The following CRIP1 variants were observed in gnomAD, a reference collection of about 807,000 sequenced individuals.
CRIP1 encodes cysteine-rich protein 1.
Under a neutral mutation model 12.9 loss-of-function variants are expected in CRIP1, and 11 were observed. The ratio of observed to expected loss-of-function variants is 0.86; its 90% confidence interval spans 0.54 to 1.42. The LOEUF (loss-of-function observed/expected upper bound fraction) is 1.42. Among genes scored for constraint, CRIP1 ranks in the 40% most tolerant of loss-of-function variants. The pLI is 0.00. For missense variants in CRIP1, 122 were observed against 101.3 expected, an observed-to-expected ratio of 1.20 and a Z score of -0.88; for synonymous variants, 41 against 37.2, an observed-to-expected ratio of 1.10 and a Z score of -0.37.
chr14:105,488,202 G>C lies in CRIP1; in HGVS notation c.77G>C (p.Arg26Pro). 3 of 1,613,206 alleles carry C rather than the reference G, an allele frequency of 1.9e-6. No homozygotes were observed. The highest frequency in any genetic ancestry group is 1.7e-4 in the Middle Eastern group (1 of 6,004). The change falls in exon 3 of 6, where the codon CGG becomes CCG. Residue 26 changes from arginine to proline, a missense_variant. Physicochemically the swap from Arg to Pro is moderately radical, Grantham distance 103 (BLOSUM62 -2). Transcript: ENST00000392531. ...RVTSLGKDWH[R>P]PCLKCEKCGK... Reference sequence around the variant, plus strand: ...ACCTCTCTGGGCAAGGACTGGCATCGGCCCTGCCTGAAGTGCGAGAAATGT... The same window carrying C: ...ACCTCTCTGGGCAAGGACTGGCATCCGCCCTGCCTGAAGTGCGAGAAATGT...
intron 2 of CRIP1, 64 bp downstream of exon 2, chr14:105,487,363 G>A: frequency 4.2e-6 from 6 of 1,433,078 alleles, no homozygotes; most frequent in South Asian, 1.3e-5. Context: ...GCTGGGGACC[G>A]CTCAGGAGGA....
At position 105,486,961 on chromosome 14, in the gene CRIP1, T is replaced by A. The variant is rs1399754983; in HGVS notation, c.-73T>A. On this transcript the variant is annotated 5_prime_UTR_variant, in exon 1 of 6. Coordinates refer to ENST00000392531, the MANE Select transcript of CRIP1 (RefSeq NM_001311.5). The stretch of plus-strand genomic sequence containing the variant: ...CGCGGCTTGAACTCGCCTAAAGAGC[T>A]GCGCCCTCTCAGTAAGTCCCCATGG... 2 of 1,208,844 alleles carry A rather than the reference T, an allele frequency of 1.7e-6. No homozygotes were observed. The highest frequency in any genetic ancestry group is 7.9e-5 in the East Asian group (2 of 25,350). 74.9% of individuals were successfully genotyped at this position (1,208,844 alleles called of 1,614,324 possible). A position where few individuals can be genotyped will look rare whatever the true frequency, so the allele number is the denominator to read the frequency against.
intron 1 of CRIP1, 56 bp downstream of exon 1, chr14:105,487,028 C>A: frequency 2.2e-6 from 3 of 1,356,676 alleles, no homozygotes; most frequent in Non-Finnish European, 2.9e-6. Flanking sequence ...AGGCCCGGGT[C>A]CTGCCTGAAG....
In CRIP1 at chr14:105,487,234, C is replaced by T. The variant is rs1555438191; in HGVS notation, c.-26C>T. On this transcript the variant is annotated 5_prime_UTR_variant, in exon 2 of 6. Transcript: ENST00000392531. Reference sequence around the variant, plus strand: ...GCAGCCCGTGCCGCCCCAGCCGCTGCCGCCTGCACCGGACCCGGAGCCGTC... The same window carrying T: ...GCAGCCCGTGCCGCCCCAGCCGCTGTCGCCTGCACCGGACCCGGAGCCGTC... 2 of 1,542,418 alleles carry T rather than the reference C, an allele frequency of 1.3e-6. No individual in the cohort carries two copies. The highest frequency in any genetic ancestry group is 2.5e-5 in the East Asian group (1 of 40,202).
rs1000295542 is a variant in CRIP1, at chr14:105,488,052, C to T, written c.41-114C>T. ...GGTGGGCTGCCAGGCTGGGCGGATG[C>T]GGGCTAAGTGCACAGGGCCTTGGGC... On this transcript the variant is annotated intron_variant, in intron 2 of 5. Transcript: ENST00000392531. 2.7e-5 allele frequency: 30 copies of T among 1,099,664 alleles called. 1 individual carries two copies. The highest frequency in any genetic ancestry group is 3.4e-5 in the Non-Finnish European group (26 of 758,664). The allele number at this position is 1,099,664 out of a possible 1,614,324, so 68.1% of individuals were successfully genotyped here.
Position 105,487,236 on chromosome 14 carries a change from G to C in CRIP1, c.-24G>C, listed in dbSNP as rs1272379179. The stretch of plus-strand genomic sequence containing the variant: ...AGCCCGTGCCGCCCCAGCCGCTGCC[G>C]CCTGCACCGGACCCGGAGCCGTCAT... On this transcript the variant is annotated 5_prime_UTR_variant, in exon 2 of 6. Transcript: ENST00000392531. The C allele has an allele frequency of 6.5e-7, 1 of 1,543,234 alleles. No individual in the cohort carries two copies.
rs369300735 is a variant in CRIP1, at chr14:105,487,024, G to A, written c.-62+52G>A. ...CCGCGCTCCGTCCTCAGTCAGGCCC[G>A]GGTCCTGCCTGAAGGCGGGGGTGGA... is the stretch of plus-strand genomic sequence containing the variant. On this transcript the variant is annotated intron_variant, in intron 1 of 5. Coordinates refer to ENST00000392531, the MANE Select transcript of CRIP1 (RefSeq NM_001311.5). 3.5e-3 allele frequency: 4,680 copies of A among 1,347,692 alleles called. 123 individuals carry two copies. In the South Asian group the frequency reaches 0.054, roughly 16 times the overall value. The allele number at this position is 1,347,692 out of a possible 1,614,324, so 83.5% of individuals were successfully genotyped here. A position where few individuals can be genotyped will look rare whatever the true frequency, so the allele number is the denominator to read the frequency against.
In CRIP1 at chr14:105,488,399, G is replaced by A. The variant is rs782376898; in HGVS notation, c.193+11G>A. 123 of 1,609,086 alleles carry A rather than the reference G, an allele frequency of 7.6e-5. No individual in the cohort carries two copies. Among genetic ancestry groups the A allele is most frequent in the South Asian group, 1.1e-4 (10 of 90,510 alleles). On this transcript the variant is annotated intron_variant, in intron 4 of 5. Transcript: ENST00000392531. ...TGTTTGGGCCTAAAGGTATGCTCCC[G>A]TCATCCCCACCCCACCCCACCCCAC...
rs2084150320 is a variant in CRIP1, at chr14:105,488,504, T to C, written c.227T>C (p.Phe76Ser). ...CGGGGCGGAGCCGAGAGCCACACTT[T>C]CAAGTAAACCAGGTAGGTAGGACCC... is the stretch of plus-strand genomic sequence containing the variant. ...FGRGGAESHT[F>S]K Residue 76 changes from phenylalanine (F) to serine (S), a missense_variant, in exon 5 of 6, where the codon TTC (phenylalanine) becomes TCC (serine). Coordinates refer to ENST00000392531, the MANE Select transcript of CRIP1 (RefSeq NM_001311.5). The C allele has an allele frequency of 6.3e-7, 1 of 1,597,640 alleles. No homozygotes were observed. Among genetic ancestry groups the C allele is most frequent in the Admixed American group, 1.7e-5 (1 of 59,456 alleles).
chr14:105,488,135 G>C, intron 2 of CRIP1, 31 bp from the exon 3 acceptor site: 1 of 1,602,368 alleles, frequency 6.2e-7, no homozygotes, highest in East Asian at 2.2e-5. Flanking sequence ...GTCCTGCAGC[G>C]TCTCACCGGG....
chr14:105,487,820 A>C (rs2084135410), intron 2 of CRIP1: 4 of 301,686 alleles, frequency 1.3e-5, no homozygotes, highest in African/African-American at 8.6e-5. Flanking sequence ...CCCGGGGCTG[A>C]AAGCAGGCAG....
At chr14:105,487,530 G>A (rs781845942) in intron 2 of CRIP1, 5 of 502,896 alleles carry the variant, frequency 9.9e-6, no homozygotes, top group Non-Finnish European at 1.4e-5. Context: ...GCTACCTCTG[G>A]CTCTGAGCCT....
At chr14:105,487,784 A>T in intron 2 of CRIP1, 1 of 236,040 alleles carries the variant, frequency 4.2e-6, no homozygotes, top group Non-Finnish European at 8.2e-6. Flanking sequence ...GGGCTGTCGC[A>T]GGCTCCACCC....
In CRIP1 at chr14:105,488,830, G is replaced by A. The variant is rs587707840; in HGVS notation, c.*173G>A. ...GCGCGTGTGTGCTGGGGAGTGCCAA[G>A]GGAGCTGCAGTGGGGTCCTGGCAGC... On this transcript the variant is annotated 3_prime_UTR_variant, in exon 6 of 6. Transcript: ENST00000392531. The A allele has an allele frequency of 3.5e-5, 14 of 397,166 alleles. No individual in the cohort carries two copies. In the East Asian group the frequency reaches 5.4e-4, roughly 15 times the overall value. 24.6% of individuals were successfully genotyped at this position (397,166 alleles called of 1,614,324 possible).
rs138781112 is a variant in CRIP1 at position 105,488,478 on chromosome 14, G to A, written c.201G>A (p.Gly67=). The A allele has an allele frequency of 2.0e-3, 3,232 of 1,607,484 alleles. 8 individuals are homozygous for A. Among genetic ancestry groups the A allele is most frequent in the Middle Eastern group, 0.013 (59 of 4,426 alleles). Residue 67 remains glycine, a synonymous_variant, in exon 5 of 6, where the codon GGG becomes GGA. Coordinates refer to ENST00000392531, the MANE Select transcript of CRIP1 (RefSeq NM_001311.5). ...TTTCCACCTTCTCTGCAGGCTTTGG[G>A]CGGGGCGGAGCCGAGAGCCACACTT... ...YAAMFGPKGF[G]RGGAESHTFK
chr14:105,487,101 A>G (rs1264984005), intron 1 of CRIP1, 98 bp from the exon 2 acceptor site: 1 of 1,379,732 alleles, frequency 7.2e-7, no homozygotes, highest in African/African-American at 1.5e-5. Flanking sequence ...CCCAGGGTCC[A>G]AGTCCTGGGT....
At chr14:105,487,583 C>T in intron 2 of CRIP1, 1 of 380,876 alleles carries the variant, frequency 2.6e-6, no homozygotes, top group East Asian at 4.3e-5. Context: ...TCCTCTCAGG[C>T]GCGCCCTGAG....
chr14:105,488,701 T>C lies in CRIP1; in HGVS notation c.*44T>C. On this transcript the variant is annotated 3_prime_UTR_variant, in exon 6 of 6. Transcript: ENST00000392531. ...CATCCTTGGCTGCTTGCAGGGCCAC[T>C]GTCCAGGCAAATGCCAGGCCTTGTC... 1 of 650,716 alleles carries C rather than the reference T, an allele frequency of 1.5e-6. No homozygotes were observed. Among genetic ancestry groups the C allele is most frequent in the Non-Finnish European group, 2.7e-6 (1 of 374,450 alleles). 40.3% of individuals were successfully genotyped at this position (650,716 alleles called of 1,614,324 possible).
rs782390379 is a variant in CRIP1, at chr14:105,488,536, C to A, written c.*5+20C>A. The A allele has an allele frequency of 7.0e-6, 11 of 1,568,420 alleles. No individual in the cohort carries two copies. Among genetic ancestry groups the A allele is most frequent in the Non-Finnish European group, 8.7e-6 (10 of 1,155,028 alleles). On this transcript the variant is annotated intron_variant, in intron 5 of 5. Transcript: ENST00000392531. ...AACCAGGTAGGTAGGACCCCACCCCCTATCCTGCCTCCTGGTTCCACCCTC... is the reference window on the plus strand; with the variant it reads ...AACCAGGTAGGTAGGACCCCACCCCATATCCTGCCTCCTGGTTCCACCCTC...
Sources: gnomAD v4.1 joint callset for allele counts on GRCh38, gnomAD v4.1.1 for gene constraint, MANE v1.5 for transcripts, NCBI Gene and HGNC (gene_info 2026-07-23, HGNC 2026-07-21) for gene names.